The following CNTFR variants were observed in gnomAD, a reference collection of about 807,000 sequenced individuals.
CNTFR encodes ciliary neurotrophic factor receptor.
A neutral mutation model predicts 40.4 loss-of-function variants in CNTFR; 12 were observed. That is an observed-to-expected ratio of 0.30 (90% CI 0.19 to 0.48). The LOEUF (loss-of-function observed/expected upper bound fraction) is 0.48. CNTFR is among the 20% of genes least tolerant of loss of function. The probability of loss-of-function intolerance (pLI) is 0.99; values close to 1 mark genes in which losing one functional copy is unlikely to be tolerated. For synonymous variants in CNTFR, 202 were observed against 209.6 expected (o/e 0.96, Z 0.31); for missense variants, 414 against 506.8 (o/e 0.82, Z 1.76).
chr9:34,578,556 G>A (rs928255980), intron 2 of CNTFR, among the ~76,000 whole-genome samples: 5 of 152,204 alleles, frequency 3.3e-5, no homozygotes, highest in African/African-American at 1.2e-4. Flanking sequence ...AGCAAGTGGT[G>A]AGAGATGTGG....
intron 2 of CNTFR, among the ~76,000 whole-genome samples, chr9:34,571,043 C>T (rs957794017): frequency 9.2e-5 from 14 of 152,162 alleles, no homozygotes; most frequent in African/African-American, 3.1e-4. Context: ...CTACCCTTTG[C>T]GCATCAGTGA....
At position 34,552,143 on chromosome 9, in the gene CNTFR, C is replaced by T; in HGVS notation, c.1118+18G>A. On this transcript the variant is annotated intron_variant, in intron 9 of 9. Coordinates refer to ENST00000378980, the MANE Select transcript of CNTFR (RefSeq NM_147164.3). This position sits in a 1 kb window ranked among gnomAD's most constrained non-coding sequence, Gnocchi z 5.1. ...GTTCCCTCAGGCTCCCTCTGCCACC[C>T]AGCCTCACTCAACCTACCAGATCAA... The T allele has an allele frequency of 6.3e-7, 1 of 1,592,282 alleles. No individual in the cohort carries two copies. The highest frequency in any genetic ancestry group is 1.8e-5 in the Admixed American group (1 of 56,600).
At chr9:34,569,641 G>T (rs1191756244) in intron 2 of CNTFR, 2 of 152,670 alleles carry the variant, frequency 1.3e-5, no homozygotes, top group African/African-American at 2.4e-5. Context: ...TGGGCCCTGA[G>T]AAGCTCAGAG....
At position 34,552,720 on chromosome 9, in the gene CNTFR, G is replaced by A. The variant is rs753245371; in HGVS notation, c.903C>T (p.Pro301=). The change falls in exon 8 of 10, where the codon CCC becomes CCT. Residue 301 remains proline, a synonymous_variant. Coordinates refer to ENST00000378980, the MANE Select transcript of CNTFR (RefSeq NM_147164.3). This position sits in a 1 kb window ranked among gnomAD's most constrained non-coding sequence, Gnocchi z 5.1. ...SDWSVAAHAT[P]WTEEPRHLTT... ...TGAGGTGTCGCGGTTCCTCAGTCCA[G>A]GGCGTAGCGTGGGCGGCTACGCTCC... 1.2e-5 allele frequency: 20 copies of A among 1,613,750 alleles called. No homozygotes were observed. The highest frequency in any genetic ancestry group is 1.7e-5 in the Non-Finnish European group (20 of 1,179,990).
At chr9:34,563,010 G>C (rs1246856251) in intron 4 of CNTFR, among the ~76,000 whole-genome samples, 1 of 151,942 alleles carries the variant, frequency 6.6e-6, no homozygotes, top group African/African-American at 2.4e-5. Flanking sequence ...TTCACTCCAT[G>C]ATCTCTCCCT....
At chr9:34,561,373 ATCT>A (rs1826068741) in intron 4 of CNTFR, among the ~76,000 whole-genome samples, 1 of 152,204 alleles carries the variant, frequency 6.6e-6, no homozygotes, top group African/African-American at 2.4e-5. Flanking sequence ...AATCATTTTA[ATCT>A]CTGGTTTGTT....
In CNTFR at chr9:34,570,574, G is replaced by A. The variant is rs58267965; in HGVS notation, c.1-1593C>T. ...CCCAGAAAAACAGCTTGAGAGAAGAGCCAGAGCCACAGCCAGATGCTCAGT... is the reference window on the plus strand; with the variant it reads ...CCCAGAAAAACAGCTTGAGAGAAGAACCAGAGCCACAGCCAGATGCTCAGT... On this transcript the variant is annotated intron_variant, in intron 2 of 9. Transcript: ENST00000378980. Among the ~76,000 whole-genome samples the A allele has an allele frequency of 3.3e-3, 497 of 152,272 alleles. 6 individuals are homozygous for A. Among genetic ancestry groups the A allele is most frequent in the African/African-American group, 0.012 (478 of 41,548 alleles).
intron 3 of CNTFR, among the ~76,000 whole-genome samples, chr9:34,565,424 C>A (rs1431534487): frequency 6.6e-6 from 1 of 152,134 alleles, no homozygotes; most frequent in East Asian, 1.9e-4. Flanking sequence ...GCCTTCCCAG[C>A]CTGCCACCCC....
At chr9:34,568,693 A>AGACACC (rs1826424517) in intron 3 of CNTFR, among the ~76,000 whole-genome samples, 1 of 152,152 alleles carries the variant, frequency 6.6e-6, no homozygotes, top group Non-Finnish European at 1.5e-5. Flanking sequence ...CTCAAGCCAG[A>AGACACC]GACACCGTCA....
chr9:34,575,760 G>C (rs949198821), intron 2 of CNTFR, among the ~76,000 whole-genome samples: 27 of 134,040 alleles, frequency 2.0e-4, no homozygotes, highest in Non-Finnish European at 4.0e-4. Context: ...AAAAAAACCT[G>C]AAGATGGTCG....
At chr9:34,585,727 C>T (rs1311763790) in intron 1 of CNTFR, among the ~76,000 whole-genome samples, 1 of 152,144 alleles carries the variant, frequency 6.6e-6, no homozygotes, top group Non-Finnish European at 1.5e-5. Context: ...GTTTGGTCAC[C>T]CAGGGCCACA....
intron 1 of CNTFR, among the ~76,000 whole-genome samples, chr9:34,587,961 G>GT (rs1827611837): frequency 6.6e-6 from 1 of 152,154 alleles, no homozygotes; most frequent in Admixed American, 6.5e-5. Flanking sequence ...GCCCCACAAC[G>GT]TAAGTGTCAG....
chr9:34,581,038 A>G (rs1425790330), intron 2 of CNTFR, 57 bp downstream of exon 2: 2 of 152,358 alleles, frequency 1.3e-5, no homozygotes, highest in Non-Finnish European at 2.9e-5. Context: ...GTACAGCCCC[A>G]CTACACCTGC....
chr9:34,560,632 C>A (rs1416723600), intron 4 of CNTFR, among the ~76,000 whole-genome samples: 2 of 152,232 alleles, frequency 1.3e-5, no homozygotes, highest in East Asian at 3.8e-4. Context: ...ATGAACTGAA[C>A]ACCGTGTGAG....
In CNTFR at chr9:34,551,928, G is replaced by T; in HGVS notation, c.*143C>A. 2 of 718,422 alleles carry T rather than the reference G, an allele frequency of 2.8e-6. No individual in the cohort carries two copies. The highest frequency in any genetic ancestry group is 1.5e-5 in the South Asian group (1 of 67,464). 44.5% of individuals were successfully genotyped at this position (718,422 alleles called of 1,614,324 possible). ...GCTGGGGGGCGGCAGGCCCGGGCCCGCCGGGGTCTCCACAAATTGTGTCTG... is the reference window on the plus strand; with the variant it reads ...GCTGGGGGGCGGCAGGCCCGGGCCCTCCGGGGTCTCCACAAATTGTGTCTG... On this transcript the variant is annotated 3_prime_UTR_variant, in exon 10 of 10. Coordinates refer to ENST00000378980, the MANE Select transcript of CNTFR (RefSeq NM_147164.3).
At chr9:34,577,153 CG>C (rs556966498) in intron 2 of CNTFR, among the ~76,000 whole-genome samples, 1 of 152,194 alleles carries the variant, frequency 6.6e-6, no homozygotes, top group South Asian at 2.1e-4. Context: ...GAGGAGTAGA[CG>C]CGGAGTCGCT....
At chr9:34,590,825 C>T (rs1342312838), upstream of CNTFR, among the ~76,000 whole-genome samples, 1 of 152,212 alleles carries the variant, frequency 6.6e-6, no homozygotes, top group Non-Finnish European at 1.5e-5. Context: ...TGACCAACTT[C>T]TGAGGCCACG....
intron 7 of CNTFR, among the ~76,000 whole-genome samples, chr9:34,555,223 C>T (rs1012284507): frequency 2.0e-5 from 3 of 152,174 alleles, no homozygotes; most frequent in Non-Finnish European, 4.4e-5. Flanking sequence ...GGAGGGACTC[C>T]GGACTCTGTC....
intron 4 of CNTFR, among the ~76,000 whole-genome samples, chr9:34,564,268 C>A (rs1171679027): frequency 6.6e-6 from 1 of 152,200 alleles, no homozygotes; most frequent in African/African-American, 2.4e-5. Context: ...AGCTCAGATC[C>A]GTGACCTGAG....
Sources: gnomAD v4.1 joint callset for allele counts (sites outside exome capture counted in the v4.1 genomes callset) on GRCh38, gnomAD v4.1.1 for gene constraint, Gnocchi (gnomAD v3.1) non-coding constraint, MANE v1.5 for transcripts, NCBI Gene and HGNC (gene_info 2026-07-23, HGNC 2026-07-21) for gene names.